Variants in PRB2 observed in about 807,000 individuals in gnomAD.
PRB2 encodes proline rich protein BstNI subfamily 2.
PRB2 carries 12 observed loss-of-function variants against 8.3 expected under a neutral mutation model. The ratio of observed to expected loss-of-function variants is 1.45; its 90% CI spans 0.93 to 2.35. The LOEUF (loss-of-function observed/expected upper bound fraction) is 2.35. Among genes scored for constraint, PRB2 ranks in the 30% most tolerant of loss-of-function variants. The pLI is 0.00. For synonymous variants in PRB2, 146 were observed against 180.0 expected, an observed-to-expected ratio of 0.81 and a Z score of 1.51; for missense variants, 470 against 507.0, an observed-to-expected ratio of 0.93 and a Z score of 0.70.
rs774926719 is a variant in PRB2 at position 11,393,436 on chromosome 12, A to C, written c.642T>G (p.Gly214=). 2.1e-6 allele frequency: 3 copies of C among 1,420,310 alleles called. 1 individual carries two copies. Among genetic ancestry groups the C allele is most frequent in the Middle Eastern group, 3.7e-4 (2 of 5,386 alleles). The allele number at this position is 1,420,310 out of a possible 1,614,324, so 88.0% of individuals were successfully genotyped here. A position where few individuals can be genotyped will look rare whatever the true frequency, so the allele number is the denominator to read the frequency against. Reference sequence around the variant, plus strand: ...CTTGTGGCTTTCCTGGAGGTGGGGGACCTTGAGGTTTGTTGCCTCCTTGTG... The same window carrying C: ...CTTGTGGCTTTCCTGGAGGTGGGGGCCCTTGAGGTTTGTTGCCTCCTTGTG... ...PPPQGGNKPQ[G]PPPPGKPQGP... is the part of the protein sequence containing the mutation. Residue 214 remains glycine, a synonymous_variant, in exon 3 of 4, where the codon GGT becomes GGG. Transcript: ENST00000389362.
chr12:11,394,360 G>A, intron 2 of PRB2, 135 bp downstream of exon 2: 2 of 1,130,946 alleles, frequency 1.8e-6, no homozygotes, highest in South Asian at 1.3e-5. Flanking sequence ...TGCATGAAGA[G>A]TGCCTATATT....
At position 11,394,512 on chromosome 12, in the gene PRB2, G is replaced by A; in HGVS notation, c.83C>T (p.Ser28Phe). ...NLNEDVSQEE[S>F]PSLIAGNPQG... ...GGATTTACCTGCTATTAGGGAGGGA[G>A]ATTCTTCCTGGCTGACATCTAGAAG... The change falls in exon 2 of 4, where the codon TCT (serine) becomes TTT (phenylalanine). Residue 28 changes from serine (S) to phenylalanine (F), a missense_variant. Ser to Phe is a radical substitution (Grantham distance 155). Coordinates refer to ENST00000389362, the MANE Select transcript of PRB2 (RefSeq NM_006248.4). 6.2e-7 allele frequency: 1 copy of A among 1,613,514 alleles called. No individual in the cohort carries two copies. The highest frequency in any genetic ancestry group is 2.2e-5 in the East Asian group (1 of 44,874).
At chr12:11,394,068 C>A (rs368352507) in intron 2 of PRB2, 91 bp from the exon 3 acceptor site, 4 of 1,534,454 alleles carry the variant, frequency 2.6e-6, no homozygotes, top group African/African-American at 2.7e-5. Flanking sequence ...GTTTGGGTAA[C>A]AAGCTGAGTG....
chr12:11,393,777 G>T lies in PRB2; in HGVS notation c.301C>A (p.Pro101Thr). The T allele has an allele frequency of 6.3e-7, 1 of 1,593,822 alleles. No individual in the cohort carries two copies. Among genetic ancestry groups the T allele is most frequent in the Non-Finnish European group, 8.5e-7 (1 of 1,171,606 alleles). ...CGGGACTTGTCTCCTTGTGGGGGTG[G>T]TCCTTGTGGCTTTCCTGGAGGTGGG... ...GPPPPGKPQG[P>T]PPQGDKSRSP... Residue 101 changes from proline to threonine, a missense_variant, in exon 3 of 4, where the codon CCA becomes ACA. By Grantham distance (38) the Pro-to-Thr change is conservative (BLOSUM62 -1). Around this residue, in one of 4 missense-constraint regions of PRB2, gnomAD observed 211 missense variants for 207.7 expected, o/e 1.02. Coordinates refer to ENST00000389362, the MANE Select transcript of PRB2 (RefSeq NM_006248.4).
chr12:11,391,586 G>A lies in PRB2; in HGVS notation c.*96C>T, dbSNP rs999268448. On this transcript the variant is annotated 3_prime_UTR_variant, in exon 4 of 4. Transcript: ENST00000389362. ...GGTATACAGAAGTTAGAGCTATGAT[G>A]ACCTTTTTCCAATGTCATGGCATTT... is the stretch of plus-strand genomic sequence containing the variant. 140 of 356,994 alleles carry A rather than the reference G, an allele frequency of 3.9e-4. 8 individuals are homozygous for A. Among genetic ancestry groups the A allele is most frequent in the Middle Eastern group, 1.5e-3 (2 of 1,346 alleles). 22.1% of individuals were successfully genotyped at this position (356,994 alleles called of 1,614,324 possible).
At chr12:11,394,559 C>A (rs2416788) in intron 1 of PRB2, 29 bp from the exon 2 acceptor site, 97,984 of 1,611,014 alleles carry the variant, frequency 0.061, 11,647 homozygotes, top group African/African-American at 0.49. Flanking sequence ...ATGATGGGAA[C>A]AGTTACATCT....
At chr12:11,394,346 A>T in intron 2 of PRB2, 149 bp downstream of exon 2, 1 of 1,028,926 alleles carries the variant, frequency 9.7e-7, no homozygotes, top group South Asian at 1.4e-5. Flanking sequence ...CCCAGAATCA[A>T]GGTTGCATGA....
In PRB2 at chr12:11,393,441, G is replaced by C. The variant is rs764694411; in HGVS notation, c.637C>G (p.Gln213Glu). ...GGCTTTCCTGGAGGTGGGGGACCTTGAGGTTTGTTGCCTCCTTGTGGGGGT... is the reference window on the plus strand; with the variant it reads ...GGCTTTCCTGGAGGTGGGGGACCTTCAGGTTTGTTGCCTCCTTGTGGGGGT... ...GPPPQGGNKP[Q>E]GPPPPGKPQG... is the part of the protein sequence containing the mutation. Residue 213 changes from glutamine to glutamate, a missense_variant, in exon 3 of 4, where the codon CAA becomes GAA. By Grantham distance (29) the Gln-to-Glu change is conservative. Around this residue, in one of 4 missense-constraint regions of PRB2, gnomAD observed 37 missense variants for 66.0 expected, o/e 0.56. Transcript: ENST00000389362. 8 of 1,386,800 alleles carry C rather than the reference G, an allele frequency of 5.8e-6. No homozygotes were observed. The highest frequency in any genetic ancestry group is 6.7e-6 in the Non-Finnish European group (7 of 1,045,434). 85.9% of individuals were successfully genotyped at this position (1,386,800 alleles called of 1,614,324 possible).
Position 11,393,402 on chromosome 12 carries a change from G to T in PRB2, c.676C>A (p.Pro226Thr). ...PPPGKPQGPP[P>T]QGDNKSQSAR... is the part of the protein sequence containing the mutation. ...CTTTGGGACTTGTTGTCTCCTTGTG[G>T]GGGTGGTCCTTGTGGCTTTCCTGGA... Residue 226 changes from proline (P) to threonine (T), a missense_variant, in exon 3 of 4, where the codon CCA becomes ACA. This residue lies in a region of PRB2 where 37 missense variants were observed against 66.0 expected (regional missense o/e 0.56). Coordinates refer to ENST00000389362, the MANE Select transcript of PRB2 (RefSeq NM_006248.4). The T allele has an allele frequency of 6.3e-7, 1 of 1,585,968 alleles. No homozygotes were observed. The highest frequency in any genetic ancestry group is 1.1e-5 in the South Asian group (1 of 89,628).
At chr12:11,394,449 G>C (rs776272422) in intron 2 of PRB2, 46 bp downstream of exon 2, 2 of 1,594,022 alleles carry the variant, frequency 1.3e-6, no homozygotes, top group South Asian at 2.2e-5. Context: ...CCATTCATAA[G>C]CAGAAAAAGA....
Position 11,393,590 on chromosome 12 carries a change from G to A in PRB2, c.488C>T (p.Pro163Leu). 1.9e-6 allele frequency: 3 copies of A among 1,590,124 alleles called. No individual in the cohort carries two copies. Among genetic ancestry groups the A allele is most frequent in the South Asian group, 1.1e-5 (1 of 89,340 alleles). The change falls in exon 3 of 4, where the codon CCC becomes CTC. Residue 163 changes from proline to leucine, a missense_variant. Pro to Leu is a moderately conservative substitution (Grantham distance 98). Around this residue, in one of 4 missense-constraint regions of PRB2, gnomAD observed 211 missense variants for 207.7 expected, o/e 1.02. Coordinates refer to ENST00000389362, the MANE Select transcript of PRB2 (RefSeq NM_006248.4). ...PPPPGKPQGP[P>L]PQGDNKSRSS... ...TCGGGACTTGTTGTCTCCTTGTGGG[G>A]GTGGTCCTTGTGGCTTTCCTGGAGG...
chr12:11,393,967 T>C lies in PRB2; in HGVS notation c.111A>G (p.Gln37=), dbSNP rs765410167. 49 of 1,613,492 alleles carry C rather than the reference T, an allele frequency of 3.0e-5. 1 individual carries two copies. The South Asian group carries it at 4.2e-4, about 14-fold the overall frequency. Residue 37 remains glutamine, a synonymous_variant, in exon 3 of 4, where the codon CAA becomes CAG. Coordinates refer to ENST00000389362, the MANE Select transcript of PRB2 (RefSeq NM_006248.4). ...TGTTGCCTCCTTGTGGGGGTGCTCC[T>C]TGTGGATTTCCTGGAGAACAAAGAG... ...ESPSLIAGNP[Q]GAPPQGGNKP...
At chr12:11,394,114 T>A in intron 2 of PRB2, 137 bp from the exon 3 acceptor site, 15 of 1,261,722 alleles carry the variant, frequency 1.2e-5, no homozygotes, top group Non-Finnish European at 1.7e-5. Context: ...GACATTAATT[T>A]CTTTGCATTT....
chr12:11,394,593 G>A, intron 1 of PRB2, 63 bp from the exon 2 acceptor site: 1 of 1,582,210 alleles, frequency 6.3e-7, no homozygotes, highest in South Asian at 1.1e-5. Flanking sequence ...ACTCACAAGT[G>A]TTCTACAGGG....
intron 1 of PRB2, among the ~76,000 whole-genome samples, chr12:11,394,942 A>G (rs1864387425): frequency 6.6e-6 from 1 of 152,104 alleles, no homozygotes; most frequent in Non-Finnish European, 1.5e-5. Context: ...TACCACTCCC[A>G]GCACATTGAA....
chr12:11,394,091 A>G, intron 2 of PRB2, 114 bp from the exon 3 acceptor site: 2 of 1,374,230 alleles, frequency 1.5e-6, no homozygotes, highest in Middle Eastern at 2.3e-4. Flanking sequence ...GAAACACACA[A>G]AAATGAGACC....
At position 11,395,407 on chromosome 12, in the gene PRB2, C is replaced by G. The variant is rs138516983; in HGVS notation, c.64+59G>C. 1.2e-4 allele frequency: 195 copies of G among 1,604,640 alleles called. 1 individual carries two copies. In the African/African-American group the frequency reaches 2.4e-3, roughly 19 times the overall value. On this transcript the variant is annotated intron_variant, in intron 1 of 3. Transcript: ENST00000389362. ...ATTCTCCTCTCTTCCCCGTAATTACCATTATCACCTCCTAAGCCCCAAGCA... is the reference window on the plus strand; with the variant it reads ...ATTCTCCTCTCTTCCCCGTAATTACGATTATCACCTCCTAAGCCCCAAGCA...
chr12:11,394,660 T>G (rs893547908), intron 1 of PRB2, 130 bp from the exon 2 acceptor site: 1 of 1,223,570 alleles, frequency 8.2e-7, no homozygotes, highest in Non-Finnish European at 1.2e-6. Flanking sequence ...TCAGCCACCA[T>G]CTGTGAAGCT....
Position 11,395,374 on chromosome 12 carries a change from G to C in PRB2, c.64+92C>G. The C allele has an allele frequency of 3.3e-6, 5 of 1,526,144 alleles. 1 individual carries two copies. 94.5% of individuals were successfully genotyped at this position (1,526,144 alleles called of 1,614,324 possible). A position where few individuals can be genotyped will look rare whatever the true frequency, so the allele number is the denominator to read the frequency against. ...GCATGAAAACTCTGCAGCCCCATCT[G>C]TGTTTTCATTCTCCTCTCTTCCCCG... On this transcript the variant is annotated intron_variant, in intron 1 of 3. Transcript: ENST00000389362.
Sources: gnomAD v4.1 joint callset for allele counts (sites outside exome capture counted in the v4.1 genomes callset) on GRCh38, gnomAD v4.1.1 for gene constraint, gnomAD v4.1.1 regional missense constraint, MANE v1.5 for transcripts, NCBI Gene and HGNC (gene_info 2026-07-23, HGNC 2026-07-21) for gene names.